The following MSRB3 variants were observed in gnomAD, a reference collection of about 807,000 sequenced individuals.
The protein encoded by MSRB3 is methionine-R-sulfoxide reductase B3.
In MSRB3, 13 loss-of-function variants were observed where a neutral mutation model predicts 21.0. The observed-to-expected ratio is 0.62, with a 90% CI of 0.40 to 0.98. The LOEUF (loss-of-function observed/expected upper bound fraction) is 0.98, where lower values mean the gene tolerates loss of function less well. MSRB3 is among the 50% of genes least tolerant of loss of function. The probability of loss-of-function intolerance (pLI) is 0.00; values close to 1 mark genes in which losing one functional copy is unlikely to be tolerated. For synonymous variants in MSRB3, 87 were observed against 88.6 expected (o/e 0.98, Z 0.10); for missense variants, 199 against 230.3 (o/e 0.86, Z 0.88).
At chr12:65,349,502 T>G (rs1876786498) in intron 4 of MSRB3, among the ~76,000 whole-genome samples, 1 of 151,050 alleles carries the variant, frequency 6.6e-6, no homozygotes, top group East Asian at 1.9e-4. Flanking sequence ...CCACAATGGA[T>G]GAACTAGTTT....
At chr12:65,302,787 G>A (rs1873413024) in intron 1 of MSRB3, among the ~76,000 whole-genome samples, 1 of 151,978 alleles carries the variant, frequency 6.6e-6, no homozygotes, top group Non-Finnish European at 1.5e-5. Context: ...GGGTTGATAA[G>A]AACAAAGATT....
chr12:65,457,752 GAAAA>G (rs1268664950), intron 6 of MSRB3, among the ~76,000 whole-genome samples: 1 of 141,542 alleles, frequency 7.1e-6, no homozygotes. Context: ...AAATTTACAA[GAAAA>G]AAAAAAACAA....
chr12:65,351,044 T>C (rs1876947319), intron 4 of MSRB3, among the ~76,000 whole-genome samples: 1 of 151,814 alleles, frequency 6.6e-6, no homozygotes, highest in Non-Finnish European at 1.5e-5. Flanking sequence ...TATTCCAAAA[T>C]TGACCACATA....
intron 5 of MSRB3, among the ~76,000 whole-genome samples, chr12:65,372,265 C>T (rs938987762): frequency 1.3e-5 from 2 of 152,168 alleles, no homozygotes; most frequent in Non-Finnish European, 2.9e-5. Flanking sequence ...AAACCTTCAA[C>T]CAGAAGGCAG....
intron 4 of MSRB3, among the ~76,000 whole-genome samples, chr12:65,362,860 AC>A (rs1485408674): frequency 6.6e-6 from 1 of 152,160 alleles, no homozygotes; most frequent in African/African-American, 2.4e-5. Flanking sequence ...TGCTGTTCTC[AC>A]TAGTCACTGG....
chr12:65,406,007 T>G (rs55769214), intron 5 of MSRB3, among the ~76,000 whole-genome samples: 1,795 of 152,300 alleles, frequency 0.012, 32 homozygotes, highest in African/African-American at 0.041. Flanking sequence ...AAATATTTTC[T>G]CTTGTTCTAT....
intron 4 of MSRB3, among the ~76,000 whole-genome samples, chr12:65,336,947 A>C (rs765510520): frequency 6.6e-6 from 1 of 152,230 alleles, no homozygotes; most frequent in Non-Finnish European, 1.5e-5. Flanking sequence ...ATCGTGTCTT[A>C]AAAGTTTTAG....
At chr12:65,306,668 A>G (rs1873671347) in intron 1 of MSRB3, among the ~76,000 whole-genome samples, 1 of 152,180 alleles carries the variant, frequency 6.6e-6, no homozygotes, top group African/African-American at 2.4e-5. Flanking sequence ...GTGCTAATGT[A>G]TGTACTTTCT....
Position 65,463,331 on chromosome 12 carries a change from A to G in MSRB3, c.*9A>G. 6.2e-7 allele frequency: 1 copy of G among 1,614,158 alleles called. No homozygotes were observed. Among genetic ancestry groups the G allele is most frequent in the South Asian group, 1.1e-5 (1 of 91,080 alleles). On this transcript the variant is annotated 3_prime_UTR_variant, in exon 7 of 7. Transcript: ENST00000308259. Reference sequence around the variant, plus strand: ...ACAAAGCGGAGCTCTAGAGTAATGGAGAGTGATGGAAACAAAGTGTACTTA... The same window carrying G: ...ACAAAGCGGAGCTCTAGAGTAATGGGGAGTGATGGAAACAAAGTGTACTTA...
intron 4 of MSRB3, among the ~76,000 whole-genome samples, chr12:65,357,866 C>T (rs1041808594): frequency 6.6e-6 from 1 of 151,946 alleles, no homozygotes. Context: ...AACACGTCAT[C>T]ACTTTTGATA....
chr12:65,401,186 A>T (rs962856611), intron 5 of MSRB3, among the ~76,000 whole-genome samples: 3 of 152,110 alleles, frequency 2.0e-5, no homozygotes, highest in Non-Finnish European at 2.9e-5. Context: ...TGTCTTGTGG[A>T]TCTGTCTAAT....
chr12:65,405,110 C>A (rs1477547240), intron 5 of MSRB3, among the ~76,000 whole-genome samples: 2 of 152,004 alleles, frequency 1.3e-5, no homozygotes, highest in Non-Finnish European at 2.9e-5. Flanking sequence ...GCCACCATGC[C>A]TGGCTAATTT....
intron 4 of MSRB3, among the ~76,000 whole-genome samples, chr12:65,349,086 G>A (rs1450691415): frequency 6.6e-6 from 1 of 151,774 alleles, no homozygotes; most frequent in Admixed American, 6.6e-5. Flanking sequence ...AGTCCCCAGA[G>A]TGTGATATTC....
chr12:65,345,911 A>G (rs1478739313), intron 4 of MSRB3, among the ~76,000 whole-genome samples: 2 of 152,002 alleles, frequency 1.3e-5, no homozygotes, highest in Non-Finnish European at 2.9e-5. Context: ...AGGACGTGAA[A>G]TCATCATTTT....
rs112847563 is a variant in MSRB3, at chr12:65,428,970, C to G, written c.293-24758C>G. On this transcript the variant is annotated intron_variant, in intron 5 of 6. Coordinates refer to ENST00000308259, the MANE Select transcript of MSRB3 (RefSeq NM_001031679.3). ...AAAACAGCTCTCTTATGATTACTTA[C>G]CAGTCTCTATTGTCTTTATAATTTT... Among the ~76,000 whole-genome samples the G allele has an allele frequency of 3.2e-3, 488 of 152,162 alleles. 5 individuals carry two copies. The highest frequency in any genetic ancestry group is 0.011 in the African/African-American group (458 of 41,494).
intron 1 of MSRB3, among the ~76,000 whole-genome samples, chr12:65,289,623 C>T (rs1872567950): frequency 1.3e-5 from 2 of 152,134 alleles, no homozygotes; most frequent in African/African-American, 4.8e-5. Context: ...AAGTACATGT[C>T]ATGGGAGTTT....
rs753136392 is a variant in MSRB3, at chr12:65,326,814, C to G, written c.77-12C>G. On this transcript the variant is annotated splice_polypyrimidine_tract_variant and intron_variant, in intron 2 of 6. Coordinates refer to ENST00000308259, the MANE Select transcript of MSRB3 (RefSeq NM_001031679.3). ...AAAAAGGCTTCTTCTCCCATATCCT[C>G]TCTCTTTTCAGGGTCGTGTAGGGAT... is the stretch of plus-strand genomic sequence containing the variant. 1.9e-6 allele frequency: 3 copies of G among 1,607,928 alleles called. No homozygotes were observed. Among genetic ancestry groups the G allele is most frequent in the Non-Finnish European group, 2.6e-6 (3 of 1,174,612 alleles).
At chr12:65,420,982 A>G (rs1447345150) in intron 5 of MSRB3, among the ~76,000 whole-genome samples, 1 of 152,216 alleles carries the variant, frequency 6.6e-6, no homozygotes, top group Admixed American at 6.5e-5. Flanking sequence ...TTGGTATATC[A>G]GTAGTGAAAC....
At chr12:65,377,789 G>A (rs951640364) in intron 5 of MSRB3, among the ~76,000 whole-genome samples, 1 of 152,172 alleles carries the variant, frequency 6.6e-6, no homozygotes, top group African/African-American at 2.4e-5. Flanking sequence ...CAGGCCCTTT[G>A]CATCTATGTG....
Sources: gnomAD v4.1 joint callset for allele counts (sites outside exome capture counted in the v4.1 genomes callset) on GRCh38, gnomAD v4.1.1 for gene constraint, MANE v1.5 for transcripts, NCBI Gene and HGNC (gene_info 2026-07-23, HGNC 2026-07-21) for gene names.